The following HHAT variants were observed in gnomAD, a reference collection of about 807,000 sequenced individuals.
HHAT encodes the protein protein-cysteine N-palmitoyltransferase HHAT.
Under a neutral mutation model 70.8 loss-of-function variants are expected in HHAT, and 47 were observed. The observed-to-expected ratio is 0.66, with a 90% CI of 0.53 to 0.85. The LOEUF is 0.85. HHAT is among the 40% of genes least tolerant of loss of function. The pLI is 0.00. For synonymous variants in HHAT, 228 were observed against 247.6 expected (o/e 0.92, Z 0.74); for missense variants, 609 against 604.8 (o/e 1.01, Z -0.07).
intron 6 of HHAT, among the ~76,000 whole-genome samples, chr1:210,412,181 T>C (rs535513210): frequency 6.6e-6 from 1 of 152,236 alleles, no homozygotes; most frequent in African/African-American, 2.4e-5. Flanking sequence ...AAAGGCACCA[T>C]CTCCTAGTAC....
chr1:210,527,006 C>T (rs528793460), intron 9 of HHAT, among the ~76,000 whole-genome samples: 274 of 152,130 alleles, frequency 1.8e-3, no homozygotes, highest in African/African-American at 6.0e-3. Context: ...TTAAATCCCT[C>T]GGAATTTCCT....
intron 9 of HHAT, among the ~76,000 whole-genome samples, chr1:210,566,063 C>T (rs1654665118): frequency 6.6e-6 from 1 of 152,070 alleles, no homozygotes; most frequent in African/African-American, 2.4e-5. Context: ...TTTTTATCAC[C>T]TCATAGTTAG....
chr1:210,458,019 A>T (rs1418036635), intron 7 of HHAT, among the ~76,000 whole-genome samples: 4 of 152,204 alleles, frequency 2.6e-5, no homozygotes, highest in Admixed American at 6.5e-5. Flanking sequence ...CAGATAATAG[A>T]ATACTAGAAT....
intron 8 of HHAT, among the ~76,000 whole-genome samples, chr1:210,465,863 G>T (rs1002623259): frequency 5.3e-5 from 8 of 151,972 alleles, no homozygotes; most frequent in African/African-American, 1.9e-4. Flanking sequence ...GCAAGGAATT[G>T]CAAGGAATGA....
At chr1:210,510,928 G>A (rs961459455) in intron 8 of HHAT, among the ~76,000 whole-genome samples, 3 of 152,088 alleles carry the variant, frequency 2.0e-5, no homozygotes, top group Non-Finnish European at 4.4e-5. Context: ...GGTCTCTGTC[G>A]CTAATGTAAT....
intron 8 of HHAT, among the ~76,000 whole-genome samples, chr1:210,485,291 C>G (rs148840181): frequency 1.3e-5 from 2 of 152,088 alleles, no homozygotes; most frequent in African/African-American, 4.8e-5. Context: ...CACAGTGCTA[C>G]AGTCTGATCA....
chr1:210,529,515 A>G (rs1348718476), intron 9 of HHAT, among the ~76,000 whole-genome samples: 1 of 152,038 alleles, frequency 6.6e-6, no homozygotes, highest in African/African-American at 2.4e-5. Flanking sequence ...GCTTTTAGGG[A>G]ATTTCTAGCC....
intron 4 of HHAT, among the ~76,000 whole-genome samples, chr1:210,391,607 A>C (rs893028972): frequency 3.3e-5 from 5 of 152,242 alleles, no homozygotes; most frequent in African/African-American, 1.2e-4. Flanking sequence ...GAATTTGTAG[A>C]AAAGGAAACA....
chr1:210,380,116 A>T (rs954879716), intron 3 of HHAT, among the ~76,000 whole-genome samples: 3 of 152,202 alleles, frequency 2.0e-5, no homozygotes, highest in Non-Finnish European at 4.4e-5. Flanking sequence ...TAATCATTCA[A>T]ATTTTTCAAA....
At chr1:210,517,830 A>G (rs1388634342) in intron 9 of HHAT, among the ~76,000 whole-genome samples, 1 of 148,496 alleles carries the variant, frequency 6.7e-6, no homozygotes, top group Non-Finnish European at 1.5e-5. Context: ...GTTAAAAAAT[A>G]ATATTTTAAA....
chr1:210,514,925 G>T (rs770935879), intron 9 of HHAT, among the ~76,000 whole-genome samples: 15 of 152,030 alleles, frequency 9.9e-5, no homozygotes, highest in Non-Finnish European at 1.5e-4. Context: ...TTTCCTTCTG[G>T]GCTCCAACCA....
At chr1:210,336,507 G>T (rs2085513867) in intron 1 of HHAT, among the ~76,000 whole-genome samples, 1 of 151,964 alleles carries the variant, frequency 6.6e-6, no homozygotes, top group African/African-American at 2.4e-5. Context: ...CTAAGGGCTG[G>T]GCATGATGGC....
At chr1:210,659,589 A>G (rs1677201205) in intron 11 of HHAT, among the ~76,000 whole-genome samples, 1 of 152,240 alleles carries the variant, frequency 6.6e-6, no homozygotes, top group African/African-American at 2.4e-5. Flanking sequence ...TCATCCTGAT[A>G]TCAAAGCCTG....
intron 8 of HHAT, among the ~76,000 whole-genome samples, chr1:210,476,938 CT>C (rs2094314985): frequency 1.3e-5 from 2 of 152,194 alleles, no homozygotes; most frequent in African/African-American, 4.8e-5. Flanking sequence ...AGGACTTCTC[CT>C]CCTTGACATG....
At position 210,550,377 on chromosome 1, in the gene HHAT, G is replaced by A. The variant is rs1378035565; in HGVS notation, c.1043+37189G>A. Among the ~76,000 whole-genome samples, 8 of 149,242 alleles carry A rather than the reference G, an allele frequency of 5.4e-5. 1 individual carries two copies. The highest frequency in any genetic ancestry group is 2.0e-4 in the African/African-American group (8 of 40,374). On this transcript the variant is annotated intron_variant, in intron 9 of 11. Transcript: ENST00000261458. ...CAATGGAGAATGGCTCCTTCTCTCT[G>A]CCTTTTACCCTGTGTGTGTCCTTGG...
At chr1:210,363,230 C>T (rs2088554322) in intron 3 of HHAT, among the ~76,000 whole-genome samples, 1 of 152,184 alleles carries the variant, frequency 6.6e-6, no homozygotes, top group Non-Finnish European at 1.5e-5. Flanking sequence ...CACATGCGGC[C>T]CCTGGACGCT....
intron 9 of HHAT, 70 bp downstream of exon 9, chr1:210,513,258 T>C (rs1330850900): frequency 1.2e-6 from 1 of 831,054 alleles, no homozygotes. Context: ...AAATGGAAAA[T>C]CTTTGTTAAG....
At chr1:210,641,291 G>A (rs2148912419) in intron 11 of HHAT, among the ~76,000 whole-genome samples, 1 of 152,264 alleles carries the variant, frequency 6.6e-6, no homozygotes, top group African/African-American at 2.4e-5. Flanking sequence ...TGTTAAATGT[G>A]CCGAATGATC....
chr1:210,576,808 G>T (rs888708285), intron 9 of HHAT, among the ~76,000 whole-genome samples: 1 of 152,226 alleles, frequency 6.6e-6, no homozygotes, highest in African/African-American at 2.4e-5. Context: ...CTATCCATGG[G>T]CACAGCATAT....
Sources: gnomAD v4.1 joint callset for allele counts (sites outside exome capture counted in the v4.1 genomes callset) on GRCh38, gnomAD v4.1.1 for gene constraint, MANE v1.5 for transcripts, NCBI Gene and HGNC (gene_info 2026-07-23, HGNC 2026-07-21) for gene names.